Variants in NAV1 observed in about 807,000 individuals in gnomAD.
NAV1 encodes the protein neuron navigator 1.
Under a neutral mutation model 175.2 loss-of-function variants are expected in NAV1, and 18 were observed. The ratio of observed to expected loss-of-function variants is 0.10; its 90% CI spans 0.07 to 0.15. The LOEUF is 0.15. NAV1 is among the 10% of genes least tolerant of loss of function. The pLI is 1.00. For missense variants in NAV1, 1,731 were observed against 2,436.6 expected, an observed-to-expected ratio of 0.71 and a Z score of 6.10; for synonymous variants, 897 against 978.7, an observed-to-expected ratio of 0.92 and a Z score of 1.56.
At chr1:201,627,959 CA>C (rs1668382450) in intron 1 of NAV1, among the ~76,000 whole-genome samples, 1 of 151,592 alleles carries the variant, frequency 6.6e-6, no homozygotes, top group South Asian at 2.1e-4. Flanking sequence ...GGCGACATGG[CA>C]AAACCCCATC....
chr1:201,565,817 C>T (rs1666338251), intron 1 of NAV1, among the ~76,000 whole-genome samples: 1 of 152,158 alleles, frequency 6.6e-6, no homozygotes, highest in Admixed American at 6.5e-5. Flanking sequence ...GTGGATTTGA[C>T]CTCCCAGGGG....
At chr1:201,606,760 C>T (rs972135919) in intron 2 of NAV1, among the ~76,000 whole-genome samples, 6 of 152,204 alleles carry the variant, frequency 3.9e-5, no homozygotes, top group African/African-American at 1.4e-4. Context: ...CCTACTTGGC[C>T]TGACTGTTCA....
chr1:201,570,184 C>G (rs1306017899), intron 1 of NAV1, among the ~76,000 whole-genome samples: 5 of 152,186 alleles, frequency 3.3e-5, no homozygotes, highest in African/African-American at 4.8e-5. Flanking sequence ...ACTCTCTCCC[C>G]ACCTGGTTGG....
chr1:201,678,849 G>A (rs888293687), intron 1 of NAV1, among the ~76,000 whole-genome samples: 18 of 152,100 alleles, frequency 1.2e-4, no homozygotes, highest in African/African-American at 3.9e-4. Flanking sequence ...AGAAAAAGTC[G>A]AAGGAGGAAG....
chr1:201,567,852 C>T (rs538915458), intron 1 of NAV1, among the ~76,000 whole-genome samples: 1 of 152,080 alleles, frequency 6.6e-6, no homozygotes, highest in East Asian at 1.9e-4. Context: ...TTTGTGAGAC[C>T]CCTGCCTGCA....
At chr1:201,619,259 T>C (rs1386051187), upstream of NAV1, among the ~76,000 whole-genome samples, 2 of 152,212 alleles carry the variant, frequency 1.3e-5, no homozygotes, top group Non-Finnish European at 2.9e-5. Context: ...CTCTTTTAGC[T>C]GGAAATTCAG....
At chr1:201,671,199 G>A (rs754331747) in intron 1 of NAV1, among the ~76,000 whole-genome samples, 10 of 152,180 alleles carry the variant, frequency 6.6e-5, no homozygotes, top group Admixed American at 2.6e-4. Context: ...GGTAGAAGTG[G>A]TCCCTGCCTT....
chr1:201,640,327 C>T (rs959509279), intron 2 of NAV1, among the ~76,000 whole-genome samples: 33 of 152,294 alleles, frequency 2.2e-4, no homozygotes, highest in African/African-American at 7.5e-4. Flanking sequence ...GGCTAATGGA[C>T]CAATCTAGGA....
chr1:201,642,523 T>TCC, intron 2 of NAV1, among the ~76,000 whole-genome samples: 1 of 96,630 alleles, frequency 1.0e-5, no homozygotes, highest in East Asian at 2.2e-4. Context: ...CTTTCTTTCT[T>TCC]TTTTTCTTTC....
Position 201,805,741 on chromosome 1 carries a change from A to G in NAV1, c.3648+1244A>G, listed in dbSNP as rs115355824. On this transcript the variant is annotated intron_variant, in intron 17 of 29. Coordinates refer to ENST00000367296, the Ensembl canonical transcript of NAV1. ...AGTTCAAGATCAGCCTGGGCAACAT[A>G]GTGAAATCCTGCCTCTACTAAAAAT... Among the ~76,000 whole-genome samples, 997 of 151,966 alleles carry G rather than the reference A, an allele frequency of 6.6e-3. 8 individuals carry two copies. The highest frequency in any genetic ancestry group is 0.022 in the African/African-American group (916 of 41,432).
intron 3 of NAV1, chr1:201,733,600 A>C (rs2102529708): frequency 6.6e-6 from 1 of 152,324 alleles, no homozygotes; most frequent in South Asian, 2.1e-4. Context: ...GTGTGTCATA[A>C]GGAAAAATAA....
At position 201,786,411 on chromosome 1, in the gene NAV1, T is replaced by C; in HGVS notation, c.2847-18T>C. ...CACTTGCTAGTCCCAGACTGAGTTC[T>C]TCTGCTGCTTCCTACAGGTACCAGC... On this transcript the variant is annotated intron_variant, in intron 8 of 29. Coordinates refer to ENST00000367296, the Ensembl canonical transcript of NAV1. 1 of 1,607,322 alleles carries C rather than the reference T, an allele frequency of 6.2e-7. No individual in the cohort carries two copies. The highest frequency in any genetic ancestry group is 8.5e-7 in the Non-Finnish European group (1 of 1,176,206).
chr1:201,794,212 C>T (rs992919530), intron 14 of NAV1: 35 of 629,968 alleles, frequency 5.6e-5, no homozygotes, highest in African/African-American at 3.8e-4. Context: ...AGTGCACTGG[C>T]GCGATCTTGG....
chr1:201,767,453 A>AAAAAAT (rs543256166), intron 3 of NAV1, among the ~76,000 whole-genome samples: 1 of 148,016 alleles, frequency 6.8e-6, no homozygotes, highest in Non-Finnish European at 1.5e-5. Context: ...TCCGCCTCAA[A>AAAAAAT]AAAAATAAAA....
intron 2 of NAV1, among the ~76,000 whole-genome samples, chr1:201,605,936 T>C (rs1281944332): frequency 6.6e-6 from 1 of 152,190 alleles, no homozygotes; most frequent in Non-Finnish European, 1.5e-5. Flanking sequence ...GCATCCCTTC[T>C]GCTTTGCCTA....
chr1:201,612,221 G>T (rs1206691941), intron 2 of NAV1, among the ~76,000 whole-genome samples: 1 of 152,224 alleles, frequency 6.6e-6, no homozygotes, highest in East Asian at 1.9e-4. Flanking sequence ...GGAGGCTGAG[G>T]CAGGAGGATT....
At chr1:201,559,591 G>A (rs1292093052) in intron 1 of NAV1, among the ~76,000 whole-genome samples, 2 of 151,998 alleles carry the variant, frequency 1.3e-5, no homozygotes, top group South Asian at 4.1e-4. Flanking sequence ...AAGCTGGAGT[G>A]TGAGGAAAGG....
At chr1:201,711,145 T>C (rs1047549943) in intron 1 of NAV1, among the ~76,000 whole-genome samples, 38 of 152,208 alleles carry the variant, frequency 2.5e-4, no homozygotes, top group African/African-American at 9.2e-4. Context: ...GCCACGGAAG[T>C]GATGCCAGGA....
At chr1:201,666,019 C>T (rs901184853) in intron 1 of NAV1, among the ~76,000 whole-genome samples, 1 of 152,034 alleles carries the variant, frequency 6.6e-6, no homozygotes, top group African/African-American at 2.4e-5. Context: ...CAGGGAGCTC[C>T]GAGGGAGTGG....
Sources: gnomAD v4.1 joint callset for allele counts (sites outside exome capture counted in the v4.1 genomes callset) on GRCh38, gnomAD v4.1.1 for gene constraint, MANE v1.5 for transcripts, NCBI Gene and HGNC (gene_info 2026-07-23, HGNC 2026-07-21) for gene names.